Variants in PCNT observed in about 807,000 individuals in gnomAD.
PCNT encodes the protein pericentrin.
PCNT carries 319 observed loss-of-function variants against 380.4 expected under a neutral mutation model. That is an observed-to-expected ratio of 0.84 (90% CI 0.77 to 0.92). The LOEUF is 0.92. PCNT is among the 40% of genes least tolerant of loss of function. PCNT has a pLI of 0.00. For missense variants in PCNT, 4,400 were observed against 4,255.3 expected (o/e 1.03, Z -0.95); for synonymous variants, 1,845 against 1,735.2 (o/e 1.06, Z -1.57).
chr21:46,390,269 C>T (rs1228088658), intron 19 of PCNT, among the ~76,000 whole-genome samples: 1 of 152,236 alleles, frequency 6.6e-6, no homozygotes, highest in Non-Finnish European at 1.5e-5. Flanking sequence ...GTTGTGGTTG[C>T]ACCACTGCAC....
chr21:46,372,180 TGCACACACA>T (rs879518538), intron 15 of PCNT, among the ~76,000 whole-genome samples: 1 of 141,252 alleles, frequency 7.1e-6, no homozygotes, highest in African/African-American at 2.7e-5. Flanking sequence ...ACACAGCACA[TGCACACACA>T]GCACACACAC....
At chr21:46,401,518 T>C in intron 25 of PCNT, 33 bp from the exon 26 acceptor site, 1 of 1,573,770 alleles carries the variant, frequency 6.4e-7, no homozygotes, top group Non-Finnish European at 8.7e-7. Context: ...TCCCAAATAT[T>C]TGCCTAAAAT....
At chr21:46,417,737 C>CA (rs574901800) in intron 30 of PCNT, among the ~76,000 whole-genome samples, 2,109 of 151,490 alleles carry the variant, frequency 0.014, 22 homozygotes, top group Non-Finnish European at 0.021. Flanking sequence ...CCTGTCTCTA[C>CA]AAAAAAAACA....
chr21:46,440,100 T>C lies in PCNT; in HGVS notation c.9291T>C (p.Ala3097=), dbSNP rs150554265. The change falls in exon 42 of 47, where the codon GCT becomes GCC. Residue 3097 remains alanine (A), a synonymous_variant. Transcript: ENST00000359568. The part of the protein sequence containing the change: ...GCSPSRSERS[A]WKPDETAPQS... ...CCTTACAGAGGTCGGAAAGGTCTGC[T>C]TGGAAGCCAGACGAAACGGCTCCAC... 1.1e-3 allele frequency: 1,767 copies of C among 1,614,110 alleles called. 28 individuals are homozygous for C. Among genetic ancestry groups the C allele is most frequent in the Non-Finnish European group, 2.3e-4 (271 of 1,180,022 alleles).
intron 15 of PCNT, among the ~76,000 whole-genome samples, chr21:46,367,413 T>C (rs143525788): frequency 1.9e-4 from 29 of 151,790 alleles, no homozygotes; most frequent in African/African-American, 7.0e-4. Flanking sequence ...GTTCAAGTGA[T>C]TCTTCTGCCT....
In PCNT at chr21:46,421,338, G is replaced by A. The variant is rs187971650; in HGVS notation, c.7025-632G>A. On this transcript the variant is annotated intron_variant, in intron 31 of 46. Transcript: ENST00000359568. ...AAGTCTAACACCCTTTTTCCAGGGC[G>A]CCTCCTCCTCGTCTGGGTCTCGTGT... Among the ~76,000 whole-genome samples, 6 of 152,244 alleles carry A rather than the reference G, an allele frequency of 3.9e-5. No individual in the cohort carries two copies. The South Asian group carries it at 8.3e-4, about 21-fold the overall frequency.
At position 46,397,401 on chromosome 21, in the gene PCNT, C is replaced by A. The variant is rs772208866; in HGVS notation, c.4353C>A (p.Arg1451=). Residue 1451 remains arginine (R), a synonymous_variant, in exon 22 of 47, where the codon CGC becomes CGA. Coordinates refer to ENST00000359568, the MANE Select transcript of PCNT (RefSeq NM_006031.6). ...SELEEQLSQH[R]GCAKQAEAVT... ...TAGAAGAACAGCTGTCTCAGCATCG[C>A]GGGTGTGCCAAGCAGGCGGAGGCCG... 1 of 1,614,144 alleles carries A rather than the reference C, an allele frequency of 6.2e-7. No homozygotes were observed. Among genetic ancestry groups the A allele is most frequent in the Admixed American group, 1.7e-5 (1 of 60,018 alleles).
chr21:46,380,821 G>A (rs2085505734), intron 15 of PCNT, among the ~76,000 whole-genome samples: 1 of 151,938 alleles, frequency 6.6e-6, no homozygotes, highest in Non-Finnish European at 1.5e-5. Flanking sequence ...TCCTTACTTT[G>A]CCATTCTAGA....
Position 46,412,940 on chromosome 21 carries a change from A to G in PCNT, c.6098A>G (p.Glu2033Gly). 1.9e-6 allele frequency: 3 copies of G among 1,611,768 alleles called. No individual in the cohort carries two copies. Among genetic ancestry groups the G allele is most frequent in the Non-Finnish European group, 2.5e-6 (3 of 1,179,972 alleles). The change falls in exon 29 of 47, where the codon GAG (glutamate) becomes GGG (glycine). Residue 2033 changes from glutamate to glycine, a missense_variant. Transcript: ENST00000359568. Reference sequence around the variant, plus strand: ...GTCTGCCAGAGGCAGCTGCAGTCGGAGCTGCTCTTGGTGAAAAATGAAATG... The same window carrying G: ...GTCTGCCAGAGGCAGCTGCAGTCGGGGCTGCTCTTGGTGAAAAATGAAATG... ...LTVCQRQLQS[E>G]LLLVKNEMRL... is the part of the protein sequence containing the mutation.
Position 46,425,774 on chromosome 21 carries a change from G to T in PCNT, c.7180-57G>T, listed in dbSNP as rs1162367639. On this transcript the variant is annotated intron_variant, in intron 32 of 46. Coordinates refer to ENST00000359568, the MANE Select transcript of PCNT (RefSeq NM_006031.6). This position sits in a 1 kb window ranked among gnomAD's most constrained non-coding sequence, Gnocchi z 4.2. ...GCAGCTCGGGGCCGCAGGTGGTGTA[G>T]AGCGTGGCTGTGTGGGGTGGCAGGC... 1.9e-6 allele frequency: 3 copies of T among 1,609,828 alleles called. No homozygotes were observed. The highest frequency in any genetic ancestry group is 2.2e-5 in the South Asian group (2 of 90,972).
intron 15 of PCNT, among the ~76,000 whole-genome samples, chr21:46,380,179 T>TG (rs2085477514): frequency 2.7e-5 from 2 of 74,912 alleles, no homozygotes; most frequent in African/African-American, 1.0e-4. Flanking sequence ...TTTTTTTTTT[T>TG]TTTTGAGACA....
In PCNT at chr21:46,421,961, T is replaced by G; in HGVS notation, c.7025-9T>G. 1 of 1,613,730 alleles carries G rather than the reference T, an allele frequency of 6.2e-7. No individual in the cohort carries two copies. On this transcript the variant is annotated splice_polypyrimidine_tract_variant and intron_variant, in intron 31 of 46. Coordinates refer to ENST00000359568, the MANE Select transcript of PCNT (RefSeq NM_006031.6). Reference sequence around the variant, plus strand: ...TGTGGGTGGGACCCTGACCCTGTGGTGTTTTTAGGTGACGGCTCGGGTTTT... The same window carrying G: ...TGTGGGTGGGACCCTGACCCTGTGGGGTTTTTAGGTGACGGCTCGGGTTTT...
chr21:46,421,854 G>A, intron 31 of PCNT, 116 bp from the exon 32 acceptor site: 5 of 1,115,002 alleles, frequency 4.5e-6, no homozygotes, highest in Non-Finnish European at 6.6e-6. Context: ...CAGAATCACG[G>A]TGTGGTTGTC....
chr21:46,366,284 G>A (rs531813963), intron 14 of PCNT, among the ~76,000 whole-genome samples: 66 of 152,284 alleles, frequency 4.3e-4, no homozygotes, highest in African/African-American at 1.1e-3. Context: ...TGGCTCTGGC[G>A]GGGATGTGTG....
intron 15 of PCNT, among the ~76,000 whole-genome samples, chr21:46,379,582 T>C (rs1259223459): frequency 6.6e-6 from 1 of 152,194 alleles, no homozygotes; most frequent in Non-Finnish European, 1.5e-5. Flanking sequence ...TCCCTCTGTC[T>C]GGCTTGAGGG....
chr21:46,427,518 C>A, intron 33 of PCNT, 104 bp from the exon 34 acceptor site: 1 of 1,306,394 alleles, frequency 7.7e-7, no homozygotes, highest in South Asian at 1.2e-5. Flanking sequence ...CCCTGAATCA[C>A]CTCCCGCAGG....
At chr21:46,386,617 T>G (rs1385541899) in intron 17 of PCNT, among the ~76,000 whole-genome samples, 1 of 152,252 alleles carries the variant, frequency 6.6e-6, no homozygotes, top group Non-Finnish European at 1.5e-5. Context: ...ACATCCTGCC[T>G]TGGTGCCTCC....
intron 15 of PCNT, among the ~76,000 whole-genome samples, chr21:46,368,025 C>A: frequency 6.6e-6 from 1 of 152,194 alleles, no homozygotes; most frequent in East Asian, 1.9e-4. Context: ...CGTGGGGGCA[C>A]GCACCTGTAG....
chr21:46,355,745 CTCT>C (rs762198331), intron 12 of PCNT, 119 bp downstream of exon 12: 2 of 988,046 alleles, frequency 2.0e-6, no homozygotes, highest in African/African-American at 1.6e-5. Flanking sequence ...GTGCTCCGAC[CTCT>C]TCTTCTGGGG....
Sources: allele counts gnomAD v4.1 joint callset (sites outside exome capture counted in the v4.1 genomes callset), GRCh38; gene constraint gnomAD v4.1.1; non-coding constraint Gnocchi (gnomAD v3.1); transcripts MANE v1.5; gene names NCBI Gene and HGNC (gene_info 2026-07-23, HGNC 2026-07-21).